Variants in RNF121 observed in about 807,000 individuals in gnomAD.
RNF121 encodes the protein ring finger protein 121.
A neutral mutation model predicts 46.5 loss-of-function variants in RNF121; 21 were observed. The ratio of observed to expected loss-of-function variants is 0.45; its 90% CI spans 0.32 to 0.65. The LOEUF is 0.65. RNF121 is among the 30% of genes least tolerant of loss of function. RNF121 has a pLI of 0.04. For synonymous variants in RNF121, 139 were observed against 144.7 expected (o/e 0.96, Z 0.28); for missense variants, 346 against 416.0 (o/e 0.83, Z 1.46).
chr11:71,948,328 C>G (rs760721586), intron 1 of RNF121, among the ~76,000 whole-genome samples: 1 of 151,962 alleles, frequency 6.6e-6, no homozygotes, highest in African/African-American at 2.4e-5. Flanking sequence ...CCAGCCTTGT[C>G]AACGTGGTGA....
intron 3 of RNF121, among the ~76,000 whole-genome samples, chr11:71,977,325 T>C (rs1228422958): frequency 6.6e-6 from 1 of 152,224 alleles, no homozygotes; most frequent in Non-Finnish European, 1.5e-5. Context: ...GGGAAAGATA[T>C]GATCTATTTT....
At position 71,996,187 on chromosome 11, in the gene RNF121, A is replaced by G. The variant is rs1302199835; in HGVS notation, c.864-8A>G. ...GCACAGAGTCTCTTTTCTTTAACAC[A>G]CTGACAGCTGGGAGAGGCCTCACGT... On this transcript the variant is annotated splice_region_variant and splice_polypyrimidine_tract_variant and intron_variant, in intron 8 of 8. Transcript: ENST00000361756. The G allele has an allele frequency of 6.2e-7, 1 of 1,613,796 alleles. No individual in the cohort carries two copies. Among genetic ancestry groups the G allele is most frequent in the African/African-American group, 1.3e-5 (1 of 74,884 alleles).
intron 8 of RNF121, 121 bp downstream of exon 8, chr11:71,995,672 C>T (rs1373137150): frequency 5.4e-6 from 4 of 740,272 alleles, no homozygotes; most frequent in African/African-American, 5.2e-5. Flanking sequence ...CATGTCAAAC[C>T]ATGGTGGGAA....
chr11:71,983,183 T>G (rs1018560442), intron 4 of RNF121: 2 of 295,470 alleles, frequency 6.8e-6, no homozygotes, highest in Non-Finnish European at 1.2e-5. Context: ...GTGGTGATCA[T>G]TGTGGTCTCA....
intron 6 of RNF121, among the ~76,000 whole-genome samples, chr11:71,991,458 G>T (rs577469936): frequency 6.6e-6 from 1 of 152,112 alleles, no homozygotes; most frequent in Non-Finnish European, 1.5e-5. Flanking sequence ...AGGTGGGAGA[G>T]ATGGCTATTA....
At chr11:71,972,196 C>T (rs928689219) in intron 3 of RNF121, among the ~76,000 whole-genome samples, 1 of 151,968 alleles carries the variant, frequency 6.6e-6, no homozygotes, top group Admixed American at 6.6e-5. Flanking sequence ...TTTGCATGAA[C>T]AGGTACAAAC....
chr11:71,939,717 A>T (rs1280542610), intron 1 of RNF121, among the ~76,000 whole-genome samples: 1 of 152,238 alleles, frequency 6.6e-6, no homozygotes, highest in Non-Finnish European at 1.5e-5. Flanking sequence ...TCATGTCTTC[A>T]TGTTATAGTG....
chr11:71,930,919 G>T (rs938160801), intron 1 of RNF121, among the ~76,000 whole-genome samples: 1 of 152,146 alleles, frequency 6.6e-6, no homozygotes, highest in African/African-American at 2.4e-5. Flanking sequence ...CACAACCTCT[G>T]CCTTCTGGGT....
At chr11:71,972,730 AATC>A (rs1954444940) in intron 3 of RNF121, among the ~76,000 whole-genome samples, 1 of 152,124 alleles carries the variant, frequency 6.6e-6, no homozygotes, top group African/African-American at 2.4e-5. Flanking sequence ...TGGGAAACAA[AATC>A]ATCCCTGATG....
rs779297267 is a variant in RNF121, at chr11:71,957,239, G to T, written c.76G>T (p.Asp26Tyr). Residue 26 changes from aspartate (D) to tyrosine (Y), a missense_variant, in exon 2 of 9, where the codon GAT (aspartate) becomes TAT (tyrosine). By Grantham distance (160) the Asp-to-Tyr change is radical. This residue lies in a region of RNF121 where 60 missense variants were observed against 32.2 expected (regional missense o/e 1.86). Coordinates refer to ENST00000361756, the MANE Select transcript of RNF121 (RefSeq NM_018320.5). Reference protein sequence around the residue: ...ERELDEVDMSDLSPEEQWRVE... With the variant: ...ERELDEVDMSYLSPEEQWRVE... ...TGTCTTTCTACAGGTTGATATGTCA[G>T]ATCTCTCTCCAGAAGAGCAATGGAG... 1 of 1,605,102 alleles carries T rather than the reference G, an allele frequency of 6.2e-7. No individual in the cohort carries two copies. Among genetic ancestry groups the T allele is most frequent in the Non-Finnish European group, 8.5e-7 (1 of 1,171,710 alleles).
chr11:71,985,746 CAGAT>C (rs576681216), intron 4 of RNF121, among the ~76,000 whole-genome samples: 1 of 152,164 alleles, frequency 6.6e-6, no homozygotes, highest in East Asian at 1.9e-4. Flanking sequence ...GCTCCCATCA[CAGAT>C]AGAATAGTGG....
At chr11:71,942,703 G>A (rs1369240850) in intron 1 of RNF121, among the ~76,000 whole-genome samples, 1 of 151,290 alleles carries the variant, frequency 6.6e-6, no homozygotes, top group African/African-American at 2.4e-5. Context: ...GGCGGAGGTT[G>A]CAGTGAGCCA....
intron 5 of RNF121, among the ~76,000 whole-genome samples, chr11:71,988,640 T>TA (rs35970528): frequency 0.84 from 116,092 of 137,654 alleles, 49,566 homozygotes; most frequent in Non-Finnish European, 0.93. Flanking sequence ...TCTCAACTCT[T>TA]AAAAAAAAAA....
intron 1 of RNF121, among the ~76,000 whole-genome samples, chr11:71,941,734 TG>T (rs1953572996): frequency 6.6e-6 from 1 of 152,044 alleles, no homozygotes; most frequent in Non-Finnish European, 1.5e-5. Context: ...ATGTTCCAAG[TG>T]GAGGGAGAAG....
At chr11:71,981,430 GT>G (rs938270469) in intron 3 of RNF121, among the ~76,000 whole-genome samples, 1 of 152,170 alleles carries the variant, frequency 6.6e-6, no homozygotes, top group Non-Finnish European at 1.5e-5. Context: ...TTTTGTTGTT[GT>G]TTTTTTTAAA....
intron 5 of RNF121, among the ~76,000 whole-genome samples, chr11:71,988,877 A>G (rs1954816609): frequency 6.6e-6 from 1 of 152,094 alleles, no homozygotes; most frequent in Non-Finnish European, 1.5e-5. Context: ...GCACTCATGA[A>G]ATTCTTTCTT....
intron 1 of RNF121, among the ~76,000 whole-genome samples, chr11:71,933,712 T>C (rs1806467799): frequency 6.6e-6 from 1 of 152,220 alleles, no homozygotes; most frequent in South Asian, 2.1e-4. Context: ...CCTTCCTCAC[T>C]AGACTGTAAG....
At position 71,996,580 on chromosome 11, in the gene RNF121, C is replaced by T. The variant is rs369628902; in HGVS notation, c.*265C>T. Reference sequence around the variant, plus strand: ...TTTTATTGTGGAGCATAGGAATTGCCCCCCTCCAGGCTTCACCCTCCCTGC... The same window carrying T: ...TTTTATTGTGGAGCATAGGAATTGCTCCCCTCCAGGCTTCACCCTCCCTGC... On this transcript the variant is annotated 3_prime_UTR_variant, in exon 9 of 9. Coordinates refer to ENST00000361756, the MANE Select transcript of RNF121 (RefSeq NM_018320.5). The T allele has an allele frequency of 4.9e-4, 156 of 316,990 alleles. 1 individual carries two copies. The highest frequency in any genetic ancestry group is 3.2e-3 in the African/African-American group (151 of 46,812). 19.6% of individuals were successfully genotyped at this position (316,990 alleles called of 1,614,324 possible).
chr11:71,993,904 G>C (rs187107729), intron 6 of RNF121, among the ~76,000 whole-genome samples: 1 of 148,474 alleles, frequency 6.7e-6, no homozygotes, highest in Non-Finnish European at 1.5e-5. Context: ...GCAGTGGTGC[G>C]ATCTCGGCTC....
Sources: allele counts gnomAD v4.1 joint callset (sites outside exome capture counted in the v4.1 genomes callset), GRCh38; gene constraint gnomAD v4.1.1; regional missense constraint gnomAD v4.1.1; transcripts MANE v1.5; gene names NCBI Gene and HGNC (gene_info 2026-07-23, HGNC 2026-07-21).